CNTNAP4: variants seen among roughly 807,000 people sequenced by gnomAD.
CNTNAP4 encodes the protein contactin associated protein family member 4.
In CNTNAP4, 98 loss-of-function variants were observed where a neutral mutation model predicts 148.4. The ratio of observed to expected loss-of-function variants is 0.66; its 90% CI spans 0.56 to 0.78. CNTNAP4 has a LOEUF of 0.78. Ranked by LOEUF, CNTNAP4 falls within the 30% of genes least tolerant of loss-of-function variation. CNTNAP4 has a pLI of 0.00. For synonymous variants in CNTNAP4, 730 were observed against 565.1 expected (o/e 1.29, Z -4.14); for missense variants, 1,935 against 1,565.6 (o/e 1.24, Z -3.98).
Position 76,379,208 on chromosome 16 carries a change from GA to G in CNTNAP4, c.390+23700del, listed in dbSNP as rs201342807. 8.0e-3 allele frequency among the ~76,000 whole-genome samples: 1,218 copies of G among 152,194 alleles called. 19 individuals carry two copies. Among genetic ancestry groups the G allele is most frequent in the African/African-American group, 0.028 (1,157 of 41,534 alleles). ...GACTCCAATTCACAGTGCTACATGGGAAATGGGAGGAAAGAATGCGAGAGAA... is the reference window on the plus strand; with the variant it reads ...GACTCCAATTCACAGTGCTACATGGGAATGGGAGGAAAGAATGCGAGAGAA... On this transcript the variant is annotated intron_variant, in intron 3 of 23. Transcript: ENST00000611870.
chr16:76,321,084 T>C (rs2144138901), intron 2 of CNTNAP4, among the ~76,000 whole-genome samples: 1 of 152,320 alleles, frequency 6.6e-6, no homozygotes, highest in African/African-American at 2.4e-5. Context: ...ATGTTAAAAA[T>C]TGGATATTTG....
chr16:76,489,493 T>G (rs2143773985), intron 12 of CNTNAP4, among the ~76,000 whole-genome samples, 193 bp from the exon 13 acceptor site: 1 of 152,316 alleles, frequency 6.6e-6, no homozygotes, highest in African/African-American at 2.4e-5. Context: ...AGTATATATT[T>G]TAGGAAAAAT....
At position 76,559,855 on chromosome 16, in the gene CNTNAP4, C is replaced by A. The variant is rs570768904; in HGVS notation, c.*1172C>A. 6.6e-6 allele frequency among the ~76,000 whole-genome samples: 1 copy of A among 152,130 alleles called. No individual in the cohort carries two copies. The highest frequency in any genetic ancestry group is 1.9e-4 in the East Asian group (1 of 5,186). ...AATATGAGCTGCAACCATCAGTGAT[C>A]TACACAATCAATAATTAAACAATGC... is the stretch of plus-strand genomic sequence containing the variant. On this transcript the variant is annotated 3_prime_UTR_variant, in exon 24 of 24. Coordinates refer to ENST00000611870, the MANE Select transcript of CNTNAP4 (RefSeq NM_033401.5).
chr16:76,401,053 A>G (rs1286538530), intron 3 of CNTNAP4, among the ~76,000 whole-genome samples: 1 of 152,136 alleles, frequency 6.6e-6, no homozygotes, highest in African/African-American at 2.4e-5. Context: ...ATCTTAAAAT[A>G]GTTTTTTCTA....
At chr16:76,527,141 A>G (rs2083772718) in intron 17 of CNTNAP4, among the ~76,000 whole-genome samples, 1 of 152,298 alleles carries the variant, frequency 6.6e-6, no homozygotes, top group African/African-American at 2.4e-5. Flanking sequence ...GCCAGAGAAA[A>G]TATTTAATCT....
intron 3 of CNTNAP4, among the ~76,000 whole-genome samples, chr16:76,386,296 A>G (rs2016509246): frequency 1.3e-5 from 2 of 152,218 alleles, no homozygotes; most frequent in South Asian, 4.1e-4. Flanking sequence ...TAATCTGTTT[A>G]TAAAAACTAG....
In CNTNAP4 at chr16:76,485,594, C is replaced by T. The variant is rs146611399; in HGVS notation, c.1883-4092C>T. Among the ~76,000 whole-genome samples the T allele has an allele frequency of 1.9e-3, 294 of 152,146 alleles. 2 individuals are homozygous for T. Among genetic ancestry groups the T allele is most frequent in the African/African-American group, 6.8e-3 (282 of 41,488 alleles). ...GTTAAACTCACCCCTTCTCATGGTC[C>T]CATTACTGAGACTCCTGGGTTTAGT... On this transcript the variant is annotated intron_variant, in intron 12 of 23. Coordinates refer to ENST00000611870, the MANE Select transcript of CNTNAP4 (RefSeq NM_033401.5).
At chr16:76,436,989 C>CTATCTATCTATT (rs144797032) in intron 4 of CNTNAP4, among the ~76,000 whole-genome samples, 9,164 of 151,368 alleles carry the variant, frequency 0.061, 341 homozygotes, top group South Asian at 0.083. Flanking sequence ...ATCTATCTGT[C>CTATCTATCTATT]TATCTAGGAG....
chr16:76,459,993 T>C (rs2080877777), intron 8 of CNTNAP4, among the ~76,000 whole-genome samples: 1 of 152,238 alleles, frequency 6.6e-6, no homozygotes, highest in South Asian at 2.1e-4. Flanking sequence ...CTTTTGACTT[T>C]ATACATGTCT....
chr16:76,321,509 G>A (rs1023735714), intron 2 of CNTNAP4, among the ~76,000 whole-genome samples: 1 of 152,120 alleles, frequency 6.6e-6, no homozygotes, highest in African/African-American at 2.4e-5. Flanking sequence ...ACCTCTATAG[G>A]CCGGGTGCAG....
At chr16:76,485,141 A>T (rs144561257) in intron 12 of CNTNAP4, among the ~76,000 whole-genome samples, 3,033 of 151,972 alleles carry the variant, frequency 0.02, 40 homozygotes, top group Non-Finnish European at 0.027. Flanking sequence ...TTTTGAGACA[A>T]AGTTTCACTC....
chr16:76,424,005 A>C (rs1255156558), intron 3 of CNTNAP4, among the ~76,000 whole-genome samples: 1 of 152,224 alleles, frequency 6.6e-6, no homozygotes, highest in East Asian at 1.9e-4. Context: ...CATATCCCCA[A>C]CCTCACAATT....
At chr16:76,533,362 T>G (rs947617698) in intron 17 of CNTNAP4, among the ~76,000 whole-genome samples, 1 of 152,094 alleles carries the variant, frequency 6.6e-6, no homozygotes, top group African/African-American at 2.4e-5. Context: ...GCACAGAGAT[T>G]TGTTAAAGGA....
In CNTNAP4 at chr16:76,452,619, A is replaced by G. The variant is rs778902268; in HGVS notation, c.1183A>G (p.Thr395Ala). Residue 395 changes from threonine (T) to alanine (A), a missense_variant, in exon 8 of 24, where the codon ACT becomes GCT. Coordinates refer to ENST00000611870, the MANE Select transcript of CNTNAP4 (RefSeq NM_033401.5). ...DFSGEEEVSA[T>A]FQFRTWNKAG... ...CTCTGGAGAGGAGGAGGTTTCTGCCACTTTTCAATTTCGAACTTGGAATAA... is the reference window on the plus strand; with the variant it reads ...CTCTGGAGAGGAGGAGGTTTCTGCCGCTTTTCAATTTCGAACTTGGAATAA... 4.3e-6 allele frequency: 7 copies of G among 1,613,966 alleles called. No homozygotes were observed. The Admixed American group carries it at 1.0e-4, about 23-fold the overall frequency.
At chr16:76,504,503 C>G (rs1329438238) in intron 15 of CNTNAP4, among the ~76,000 whole-genome samples, 1 of 151,978 alleles carries the variant, frequency 6.6e-6, no homozygotes, top group African/African-American at 2.4e-5. Context: ...AAACCACAAA[C>G]TATAACACTG....
intron 3 of CNTNAP4, among the ~76,000 whole-genome samples, chr16:76,413,686 G>C (rs2078880428): frequency 6.6e-6 from 1 of 151,082 alleles, no homozygotes; most frequent in South Asian, 2.1e-4. Flanking sequence ...ACATTGGTTT[G>C]AATTTGGTAG....
chr16:76,397,007 G>C (rs1298595408), intron 3 of CNTNAP4, among the ~76,000 whole-genome samples: 1 of 152,132 alleles, frequency 6.6e-6, no homozygotes. Context: ...TCGATCACTT[G>C]GGACTTAAGC....
At chr16:76,407,953 C>A (rs118095956) in intron 3 of CNTNAP4, among the ~76,000 whole-genome samples, 1 of 152,046 alleles carries the variant, frequency 6.6e-6, no homozygotes, top group Non-Finnish European at 1.5e-5. Flanking sequence ...GTCACCCCAA[C>A]CTTCAGCAAC....
chr16:76,539,229 C>G (rs2084347301), intron 19 of CNTNAP4, among the ~76,000 whole-genome samples: 1 of 151,970 alleles, frequency 6.6e-6, no homozygotes, highest in South Asian at 2.1e-4. Context: ...AATCATTCAT[C>G]TTACCATTAT....
Sources: allele counts gnomAD v4.1 joint callset (sites outside exome capture counted in the v4.1 genomes callset), GRCh38; gene constraint gnomAD v4.1.1; transcripts MANE v1.5; gene names NCBI Gene and HGNC (gene_info 2026-07-23, HGNC 2026-07-21).